The following CEP112 variants were observed in gnomAD, a reference collection of about 807,000 sequenced individuals.
CEP112 encodes the protein centrosomal protein 112, also known as centrosomal protein of 112 kDa.
A neutral mutation model predicts 153.0 loss-of-function variants in CEP112; 127 were observed. That is an observed-to-expected ratio of 0.83 (90% CI 0.72 to 0.96). CEP112 has a LOEUF of 0.96. Ranked by LOEUF, CEP112 falls within the 40% of genes least tolerant of loss-of-function variation. The pLI is 0.00. For synonymous variants in CEP112, 358 were observed against 374.4 expected, an observed-to-expected ratio of 0.96 and a Z score of 0.51; for missense variants, 1,089 against 1,101.2, an observed-to-expected ratio of 0.99 and a Z score of 0.16.
chr17:66,040,284 C>A (rs553144952), intron 12 of CEP112, among the ~76,000 whole-genome samples: 33 of 152,058 alleles, frequency 2.2e-4, no homozygotes, highest in African/African-American at 8.0e-4. Context: ...ATTTACATTT[C>A]CCTGACTATT....
At chr17:65,656,197 C>T (rs941323528) in intron 24 of CEP112, among the ~76,000 whole-genome samples, 3 of 152,220 alleles carry the variant, frequency 2.0e-5, no homozygotes, top group Non-Finnish European at 4.4e-5. Context: ...GATGCAGACT[C>T]TCTCATCCAC....
rs901257854 is a variant in CEP112, at chr17:65,669,828, G to A, written c.2697+19301C>T. On this transcript the variant is annotated intron_variant, in intron 24 of 26. Coordinates refer to ENST00000535342, the MANE Select transcript of CEP112 (RefSeq NM_001199165.4). ...TGAGGCAGAAGAATGGCGTGAACCC[G>A]GGAGGCGGAGGTTGCGGTGAGCCGA... 3.3e-5 allele frequency among the ~76,000 whole-genome samples: 5 copies of A among 151,862 alleles called. No homozygotes were observed. The East Asian group carries it at 5.8e-4, about 18-fold the overall frequency.
chr17:66,033,309 C>T (rs969597310), intron 12 of CEP112, among the ~76,000 whole-genome samples: 1 of 152,148 alleles, frequency 6.6e-6, no homozygotes, highest in Admixed American at 6.6e-5. Flanking sequence ...AAAAGTCACA[C>T]AGAATGAAGA....
intron 4 of CEP112, among the ~76,000 whole-genome samples, chr17:66,151,899 T>C (rs895504499): frequency 6.6e-6 from 1 of 151,946 alleles, no homozygotes; most frequent in South Asian, 2.1e-4. Flanking sequence ...GAGAAAAAAA[T>C]TAAAAAATTT....
intron 20 of CEP112, among the ~76,000 whole-genome samples, chr17:65,872,779 T>C (rs1218114028): frequency 6.6e-6 from 1 of 152,232 alleles, no homozygotes; most frequent in African/African-American, 2.4e-5. Flanking sequence ...ACATCAAATG[T>C]ATTTTGAACT....
intron 4 of CEP112, among the ~76,000 whole-genome samples, chr17:66,169,420 A>G (rs2072148433): frequency 6.6e-6 from 1 of 151,286 alleles, no homozygotes; most frequent in East Asian, 2.0e-4. Context: ...AGTAGCTGGG[A>G]CTACAGGCAC....
chr17:65,839,599 A>G (rs1010869690), intron 21 of CEP112, among the ~76,000 whole-genome samples: 10 of 152,148 alleles, frequency 6.6e-5, no homozygotes, highest in African/African-American at 2.2e-4. Context: ...TTTCTCTAAA[A>G]TCTGAAATTA....
At chr17:65,757,223 G>A (rs1250370436) in intron 21 of CEP112, among the ~76,000 whole-genome samples, 2 of 152,160 alleles carry the variant, frequency 1.3e-5, no homozygotes, top group Non-Finnish European at 2.9e-5. Flanking sequence ...CCCAGTCTGT[G>A]GTGTTCTGTT....
intron 18 of CEP112, among the ~76,000 whole-genome samples, chr17:65,952,271 G>A (rs1190165871): frequency 6.6e-6 from 1 of 152,124 alleles, no homozygotes; most frequent in Non-Finnish European, 1.5e-5. Flanking sequence ...AGCAAAGACT[G>A]TGAAACAACT....
At chr17:66,097,310 TA>T (rs2068388595) in intron 6 of CEP112, among the ~76,000 whole-genome samples, 1 of 152,162 alleles carries the variant, frequency 6.6e-6, no homozygotes, top group Non-Finnish European at 1.5e-5. Flanking sequence ...ACTTGTAGTT[TA>T]AAAATCATCT....
chr17:65,902,375 C>T (rs761553569), intron 19 of CEP112, 41 bp from the exon 20 acceptor site: 21 of 1,549,068 alleles, frequency 1.4e-5, no homozygotes, highest in Admixed American at 7.8e-5. Context: ...AACAGAACAT[C>T]CTTGTCGTCA....
intron 11 of CEP112, among the ~76,000 whole-genome samples, chr17:66,055,725 G>A (rs1405496402): frequency 6.6e-6 from 1 of 152,154 alleles, no homozygotes; most frequent in African/African-American, 2.4e-5. Context: ...TGTCGGAGGG[G>A]TGGCTGTAAG....
chr17:66,177,068 A>G (rs945398062), intron 2 of CEP112, 48 bp from the exon 3 acceptor site: 21 of 1,457,932 alleles, frequency 1.4e-5, no homozygotes, highest in Non-Finnish European at 1.9e-5. Context: ...TATAAAATGA[A>G]ACATTCAATT....
intron 17 of CEP112, among the ~76,000 whole-genome samples, chr17:65,972,140 C>T (rs143989135): frequency 6.6e-6 from 1 of 152,144 alleles, no homozygotes; most frequent in Non-Finnish European, 1.5e-5. Flanking sequence ...TCAACATAGA[C>T]TATTCTGGAA....
At chr17:66,177,224 C>CA (rs1470825521) in intron 2 of CEP112, among the ~76,000 whole-genome samples, 4 of 152,196 alleles carry the variant, frequency 2.6e-5, no homozygotes, top group African/African-American at 7.2e-5. Flanking sequence ...TGAAAGCACT[C>CA]AGAGACCATA....
chr17:65,739,758 C>T (rs1019389710), intron 23 of CEP112, among the ~76,000 whole-genome samples: 3 of 152,008 alleles, frequency 2.0e-5, no homozygotes, highest in Admixed American at 6.6e-5. Context: ...TCTACTCTTA[C>T]GAATTTTGTT....
intron 6 of CEP112, among the ~76,000 whole-genome samples, chr17:66,099,333 G>A (rs539284275): frequency 1.2e-3 from 189 of 151,832 alleles, no homozygotes; most frequent in Middle Eastern, 6.8e-3. Context: ...GTGAAACCCC[G>A]TCTCTACTAA....
At chr17:65,769,730 G>T (rs1442283258) in intron 21 of CEP112, among the ~76,000 whole-genome samples, 1 of 151,986 alleles carries the variant, frequency 6.6e-6, no homozygotes, top group Non-Finnish European at 1.5e-5. Context: ...GAATAAAATT[G>T]GACCCTTATC....
intron 18 of CEP112, among the ~76,000 whole-genome samples, chr17:65,955,767 T>C (rs1255364397): frequency 6.6e-6 from 1 of 152,122 alleles, no homozygotes; most frequent in Non-Finnish European, 1.5e-5. Context: ...GGACATTATA[T>C]AATGGTAAAA....
Sources: gnomAD v4.1 joint callset for allele counts (sites outside exome capture counted in the v4.1 genomes callset) on GRCh38, gnomAD v4.1.1 for gene constraint, MANE v1.5 for transcripts, NCBI Gene and HGNC (gene_info 2026-07-23, HGNC 2026-07-21) for gene names.